ACBD5: variants seen among roughly 807,000 people sequenced by gnomAD.
ACBD5 encodes acyl-CoA-binding domain-containing protein 5.
In ACBD5, 40 loss-of-function variants were observed where a neutral mutation model predicts 71.8. The observed-to-expected ratio is 0.56, with a 90% CI of 0.43 to 0.72. The LOEUF (loss-of-function observed/expected upper bound fraction) is 0.72, where lower values mean the gene tolerates loss of function less well. Ranked by LOEUF, ACBD5 falls within the 30% of genes least tolerant of loss-of-function variation. ACBD5 has a pLI of 0.00. For synonymous variants in ACBD5, 229 were observed against 218.6 expected (o/e 1.05, Z -0.42); for missense variants, 559 against 644.5 (o/e 0.87, Z 1.44).
intron 13 of ACBD5, among the ~76,000 whole-genome samples, chr10:27,183,427 G>A (rs2058443008): frequency 6.6e-6 from 1 of 152,032 alleles, no homozygotes; most frequent in East Asian, 1.9e-4. Flanking sequence ...GGGACTACAG[G>A]CATGTGCCAC....
intron 10 of ACBD5, among the ~76,000 whole-genome samples, chr10:27,207,960 C>T (rs1169004412): frequency 6.6e-6 from 1 of 152,150 alleles, no homozygotes; most frequent in Non-Finnish European, 1.5e-5. Flanking sequence ...GTCTCAAACT[C>T]CTGAACTCAG....
intron 7 of ACBD5, among the ~76,000 whole-genome samples, chr10:27,217,014 C>T (rs1338411733): frequency 4.6e-5 from 7 of 151,358 alleles, no homozygotes; most frequent in Non-Finnish European, 1.0e-4. Flanking sequence ...GGCATGGTGG[C>T]GGGCACCTGT....
Position 27,240,794 on chromosome 10 carries a change from G to T in ACBD5, c.-106C>A. On this transcript the variant is annotated 5_prime_UTR_variant, in exon 1 of 13. Coordinates refer to ENST00000396271, the MANE Select transcript of ACBD5 (RefSeq NM_145698.5). The surrounding 1 kb of genome is among the most constrained non-coding windows in gnomAD (Gnocchi z 4.1). The stretch of plus-strand genomic sequence containing the variant: ...CACACCCCCCATTCCGCCGGAGTCC[G>T]TCTGTCAGTCCGTGCCCTCCCCACA... 1.3e-6 allele frequency: 2 copies of T among 1,500,446 alleles called. No individual in the cohort carries two copies. The highest frequency in any genetic ancestry group is 1.8e-6 in the Non-Finnish European group (2 of 1,103,650). The allele number at this position is 1,500,446 out of a possible 1,614,324, so 92.9% of individuals were successfully genotyped here. A position where few individuals can be genotyped will look rare whatever the true frequency, so the allele number is the denominator to read the frequency against.
At chr10:27,237,489 G>A (rs2064869359) in intron 2 of ACBD5, among the ~76,000 whole-genome samples, 1 of 152,088 alleles carries the variant, frequency 6.6e-6, no homozygotes, top group South Asian at 2.1e-4. Flanking sequence ...AAATCAAATG[G>A]TTTAAAAGTA....
At chr10:27,234,762 T>A (rs2064411648) in intron 3 of ACBD5, among the ~76,000 whole-genome samples, 1 of 152,082 alleles carries the variant, frequency 6.6e-6, no homozygotes, top group Admixed American at 6.6e-5. Context: ...TGAAACCCTG[T>A]CTCTACTAAA....
intron 9 of ACBD5, among the ~76,000 whole-genome samples, chr10:27,209,828 T>C (rs4747592): frequency 0.059 from 9,006 of 152,302 alleles, 421 homozygotes; most frequent in Admixed American, 0.12. Context: ...TAAATTTTAT[T>C]CCAAAAACAC....
chr10:27,210,176 T>A (rs2060912799), intron 9 of ACBD5, among the ~76,000 whole-genome samples: 1 of 152,216 alleles, frequency 6.6e-6, no homozygotes, highest in African/African-American at 2.4e-5. Context: ...TTTGCTAATA[T>A]AATGGGCAAG....
At chr10:27,205,368 T>C (rs549996297) in intron 10 of ACBD5, 120 bp from the exon 11 acceptor site, 27 of 939,394 alleles carry the variant, frequency 2.9e-5, no homozygotes, top group African/African-American at 2.5e-4. Context: ...GCTTTTGTTT[T>C]CTTTATGTAT....
intron 8 of ACBD5, among the ~76,000 whole-genome samples, chr10:27,215,128 C>G (rs1466354912): frequency 6.6e-6 from 1 of 152,048 alleles, no homozygotes; most frequent in African/African-American, 2.4e-5. Context: ...TGCGCCACTG[C>G]ACTCCAGCCT....
intron 4 of ACBD5, among the ~76,000 whole-genome samples, chr10:27,231,137 G>A (rs1225090526): frequency 1.3e-5 from 2 of 152,200 alleles, no homozygotes. Context: ...CTAGACTCCT[G>A]AGTAAGGGAT....
chr10:27,217,764 C>G (rs1190826643), intron 7 of ACBD5, among the ~76,000 whole-genome samples: 1 of 152,080 alleles, frequency 6.6e-6, no homozygotes, highest in East Asian at 1.9e-4. Flanking sequence ...CATGACTATG[C>G]CACTGCACTC....
chr10:27,240,369 T>G lies in ACBD5; in HGVS notation c.131A>C (p.Glu44Ala). Residue 44 changes from glutamate to alanine, a missense_variant, in exon 2 of 13, where the codon GAG becomes GCG. Coordinates refer to ENST00000396271, the MANE Select transcript of ACBD5 (RefSeq NM_145698.5). This position sits in a 1 kb window ranked among gnomAD's most constrained non-coding sequence, Gnocchi z 4.1. ...CTTCACGGCCGCCTCAAACCTAGTC[T>G]CGTGCACGGATCTCGTGTCCGCCAT... ...LEMADTRSVH[E>A]TRFEAAVKVI... 1 of 1,613,722 alleles carries G rather than the reference T, an allele frequency of 6.2e-7. No homozygotes were observed. The highest frequency in any genetic ancestry group is 8.5e-7 in the Non-Finnish European group (1 of 1,179,974).
At chr10:27,241,348 G>A (rs1369740268), upstream of ACBD5, among the ~76,000 whole-genome samples, 1 of 152,204 alleles carries the variant, frequency 6.6e-6, no homozygotes, top group Non-Finnish European at 1.5e-5. Context: ...AGGGTAGATG[G>A]AGAAAAGCAT....
At chr10:27,213,692 G>T (rs1372980477) in intron 8 of ACBD5, among the ~76,000 whole-genome samples, 1 of 152,010 alleles carries the variant, frequency 6.6e-6, no homozygotes, top group Non-Finnish European at 1.5e-5. Context: ...AGGAGGCGGA[G>T]GTTGCAGTGA....
At chr10:27,200,651 G>A (rs1028310647) in intron 12 of ACBD5, among the ~76,000 whole-genome samples, 1 of 152,072 alleles carries the variant, frequency 6.6e-6, no homozygotes, top group African/African-American at 2.4e-5. Context: ...TAGAGATAGA[G>A]TTTCACCATG....
chr10:27,236,598 A>G (rs2064734457), intron 2 of ACBD5, among the ~76,000 whole-genome samples: 1 of 152,200 alleles, frequency 6.6e-6, no homozygotes, highest in Non-Finnish European at 1.5e-5. Context: ...GCAGTTTATA[A>G]GAGCTGTGGG....
intron 13 of ACBD5, among the ~76,000 whole-genome samples, chr10:27,183,728 A>AT (rs896642894): frequency 6.6e-6 from 1 of 151,360 alleles, no homozygotes; most frequent in Non-Finnish European, 1.5e-5. Flanking sequence ...TGGTTTTGGG[A>AT]TTTTTTTGAG....
rs1267104013 is a variant in ACBD5, at chr10:27,196,506, G to A, written c.*924C>T. ...AAAAACTGAGGCACTAAGAGGTTAA[G>A]AGTCCAGTCTATATAGTTCATCAGT... On this transcript the variant is annotated 3_prime_UTR_variant, in exon 13 of 13. Coordinates refer to ENST00000396271, the MANE Select transcript of ACBD5 (RefSeq NM_145698.5). 1 of 454,302 alleles carries A rather than the reference G, an allele frequency of 2.2e-6. No individual in the cohort carries two copies. Among genetic ancestry groups the A allele is most frequent in the African/African-American group, 2.0e-5 (1 of 50,042 alleles). The allele number at this position is 454,302 out of a possible 1,614,324, so 28.1% of individuals were successfully genotyped here.
At chr10:27,228,791 T>TTCTATATATA (rs1306544829) in intron 4 of ACBD5, among the ~76,000 whole-genome samples, 35 of 22,136 alleles carry the variant, frequency 1.6e-3, no homozygotes, top group Non-Finnish European at 4.8e-3. Context: ...CCTATTATGT[T>TTCTATATATA]TATATATATA....
Sources: gnomAD v4.1 joint callset for allele counts (sites outside exome capture counted in the v4.1 genomes callset) on GRCh38, gnomAD v4.1.1 for gene constraint, Gnocchi (gnomAD v3.1) non-coding constraint, MANE v1.5 for transcripts, NCBI Gene and HGNC (gene_info 2026-07-23, HGNC 2026-07-21) for gene names.